The following PTK2 variants were observed in gnomAD, a reference collection of about 807,000 sequenced individuals.
PTK2 encodes focal adhesion kinase 1.
In PTK2, 45 loss-of-function variants were observed where a neutral mutation model predicts 150.1. That is an observed-to-expected ratio of 0.30 (90% CI 0.24 to 0.38). The LOEUF is 0.38. PTK2 is among the 10% of genes least tolerant of loss of function. The pLI, the probability that PTK2 is intolerant of heterozygous loss-of-function variation, is 1.00. For synonymous variants in PTK2, 432 were observed against 449.2 expected (o/e 0.96, Z 0.48); for missense variants, 919 against 1,307.3 (o/e 0.70, Z 4.58).
At chr8:141,000,554 G>A (rs1013477739) in intron 1 of PTK2, among the ~76,000 whole-genome samples, 48 of 152,128 alleles carry the variant, frequency 3.2e-4, no homozygotes, top group African/African-American at 1.1e-3. Flanking sequence ...GTCCGCTCCG[G>A]CGGAGGCCGG....
intron 22 of PTK2, among the ~76,000 whole-genome samples, chr8:140,730,349 T>C (rs938814789): frequency 7.2e-5 from 11 of 152,212 alleles, no homozygotes; most frequent in African/African-American, 2.4e-4. Context: ...ACAATGAGAA[T>C]TGAGTATAAC....
At chr8:140,734,596 C>T (rs1216990823) in intron 22 of PTK2, 8 of 396,296 alleles carry the variant, frequency 2.0e-5, no homozygotes, top group African/African-American at 4.1e-5. Flanking sequence ...AATGTCCCTG[C>T]GTGCTTCCTC....
chr8:140,755,994 T>G (rs2100065475), intron 16 of PTK2, among the ~76,000 whole-genome samples: 1 of 152,018 alleles, frequency 6.6e-6, no homozygotes, highest in African/African-American at 2.4e-5. Context: ...GACTCCCACA[T>G]TAAAAACAAA....
chr8:140,903,483 C>A (rs952036303), intron 2 of PTK2, among the ~76,000 whole-genome samples: 4 of 152,078 alleles, frequency 2.6e-5, no homozygotes, highest in African/African-American at 9.7e-5. Context: ...GTTGGCTATG[C>A]GGGCTCTTTT....
chr8:140,853,313 T>C (rs899127005), intron 5 of PTK2, among the ~76,000 whole-genome samples: 1 of 150,694 alleles, frequency 6.6e-6, no homozygotes, highest in Non-Finnish European at 1.5e-5. Context: ...TTACATTACG[T>C]ATATATCCTA....
chr8:140,839,808 T>C (rs141944117), intron 7 of PTK2, among the ~76,000 whole-genome samples: 1 of 152,136 alleles, frequency 6.6e-6, no homozygotes, highest in Non-Finnish European at 1.5e-5. Context: ...ATGAAAAACA[T>C]GAATCTACAG....
intron 7 of PTK2, among the ~76,000 whole-genome samples, chr8:140,831,697 A>T (rs1196040660): frequency 6.6e-6 from 1 of 152,102 alleles, no homozygotes; most frequent in Non-Finnish European, 1.5e-5. Context: ...ATGATATACT[A>T]CTTTCTGGTT....
chr8:140,829,449 C>A (rs542005611), intron 8 of PTK2, among the ~76,000 whole-genome samples: 1 of 152,218 alleles, frequency 6.6e-6, no homozygotes, highest in East Asian at 1.9e-4. Context: ...ATCAACATGA[C>A]GTCGACAGTT....
At chr8:140,929,998 G>C (rs554126769) in intron 1 of PTK2, among the ~76,000 whole-genome samples, 4 of 152,252 alleles carry the variant, frequency 2.6e-5, no homozygotes, top group Admixed American at 2.0e-4. Flanking sequence ...ATCCCATAAG[G>C]AGTTGACAGA....
chr8:140,897,084 T>C (rs2100156599), intron 2 of PTK2, among the ~76,000 whole-genome samples: 1 of 152,118 alleles, frequency 6.6e-6, no homozygotes, highest in Non-Finnish European at 1.5e-5. Context: ...ACCTCACAAG[T>C]CATCAGAAGA....
intron 5 of PTK2, among the ~76,000 whole-genome samples, chr8:140,862,000 T>C (rs1239998110): frequency 6.6e-6 from 1 of 152,182 alleles, no homozygotes; most frequent in Non-Finnish European, 1.5e-5. Flanking sequence ...ATAAAATATA[T>C]CCTATTAGTA....
chr8:140,764,339 C>G, intron 14 of PTK2, 49 bp from the exon 17 acceptor site: 2 of 1,356,372 alleles, frequency 1.5e-6, no homozygotes, highest in Non-Finnish European at 2.1e-6. Flanking sequence ...CATCTGACCT[C>G]CTGGTATTTC....
At chr8:140,762,448 A>C in intron 15 of PTK2, 60 bp from the exon 18 acceptor site, 1 of 902,556 alleles carries the variant, frequency 1.1e-6, no homozygotes, top group Non-Finnish European at 1.4e-6. Context: ...ACTAACAGCA[A>C]TTAGGTTAAC....
At chr8:140,807,258 T>C (rs148760328) in intron 10 of PTK2, among the ~76,000 whole-genome samples, 40 of 152,322 alleles carry the variant, frequency 2.6e-4, no homozygotes, top group African/African-American at 9.6e-4. Context: ...CGGTGCTGTA[T>C]AAAAATATCT....
chr8:140,898,391 A>G (rs1467184020), intron 2 of PTK2, among the ~76,000 whole-genome samples: 1 of 152,198 alleles, frequency 6.6e-6, no homozygotes, highest in African/African-American at 2.4e-5. Flanking sequence ...AAATCACTGT[A>G]GGCAAGAGAG....
chr8:140,742,314 C>G (rs2100056208), intron 20 of PTK2, among the ~76,000 whole-genome samples: 1 of 152,184 alleles, frequency 6.6e-6, no homozygotes, highest in Non-Finnish European at 1.5e-5. Flanking sequence ...ATTTGAATTT[C>G]TGGCTATTAC....
intron 2 of PTK2, among the ~76,000 whole-genome samples, chr8:140,895,598 T>C (rs1047184740): frequency 2.0e-5 from 3 of 151,934 alleles, no homozygotes; most frequent in African/African-American, 7.3e-5. Context: ...AGAATACACA[T>C]CTGTGAAGGG....
At chr8:140,665,731 C>T (rs1232708631) in intron 30 of PTK2, among the ~76,000 whole-genome samples, 1 of 151,938 alleles carries the variant, frequency 6.6e-6, no homozygotes, top group Non-Finnish European at 1.5e-5. Context: ...GATCAACATA[C>T]AAAAAGAACG....
chr8:140,922,447 T>C (rs1555393740), intron 2 of PTK2, among the ~76,000 whole-genome samples: 1 of 151,742 alleles, frequency 6.6e-6, no homozygotes, highest in Non-Finnish European at 1.5e-5. Context: ...TCCACCATTA[T>C]ACTAAGAGAC....
Sources: allele counts gnomAD v4.1 joint callset (sites outside exome capture counted in the v4.1 genomes callset), GRCh38; gene constraint gnomAD v4.1.1; transcripts MANE v1.5; gene names NCBI Gene and HGNC (gene_info 2026-07-23, HGNC 2026-07-21).